FRK: variants seen among roughly 807,000 people sequenced by gnomAD.
FRK encodes the protein tyrosine-protein kinase FRK.
In FRK, 51 loss-of-function variants were observed where a neutral mutation model predicts 56.4. The observed-to-expected ratio is 0.90, with a 90% CI of 0.72 to 1.14. The LOEUF is 1.14. Ranked by LOEUF, FRK falls within the 50% of genes most tolerant of loss-of-function variation. The pLI, the probability that FRK is intolerant of heterozygous loss-of-function variation, is 0.00. For missense variants in FRK, 570 were observed against 601.4 expected (o/e 0.95, Z 0.55); for synonymous variants, 245 against 217.9 (o/e 1.12, Z -1.10).
chr6:115,978,451 G>A (rs1186080309), intron 2 of FRK, among the ~76,000 whole-genome samples: 1 of 152,146 alleles, frequency 6.6e-6, no homozygotes, highest in Non-Finnish European at 1.5e-5. Context: ...GATATCTTCA[G>A]ATGCCAATCC....
the FRK span, among the ~76,000 whole-genome samples, chr6:116,096,517 G>A: frequency 6.6e-6 from 1 of 151,972 alleles, no homozygotes; most frequent in African/African-American, 2.4e-5. Flanking sequence ...CTGTAAAAAC[G>A]CACCAATCAG....
intron 2 of FRK, among the ~76,000 whole-genome samples, chr6:115,993,391 T>G (rs1293263541): frequency 1.3e-5 from 2 of 151,910 alleles, no homozygotes; most frequent in Non-Finnish European, 2.9e-5. Flanking sequence ...CTCATTCTTT[T>G]GTGATTAACT....
intron 1 of FRK, among the ~76,000 whole-genome samples, chr6:116,057,586 A>G (rs961907334): frequency 2.0e-5 from 3 of 152,206 alleles, no homozygotes; most frequent in African/African-American, 7.2e-5. Context: ...TGTTCCAGCC[A>G]GGAGGCAGAG....
chr6:116,082,918 G>C, the FRK span, among the ~76,000 whole-genome samples: 1 of 152,046 alleles, frequency 6.6e-6, no homozygotes, highest in East Asian at 1.9e-4. Context: ...AGAAGGAAGG[G>C]GAGGGAAAGG....
chr6:116,096,957 A>C, the FRK span, among the ~76,000 whole-genome samples: 1 of 152,184 alleles, frequency 6.6e-6, no homozygotes, highest in African/African-American at 2.4e-5. Flanking sequence ...ACGGACACAA[A>C]AGGACTTTGT....
intron 4 of FRK, among the ~76,000 whole-genome samples, chr6:115,958,793 A>G (rs1207688813): frequency 1.2e-5 from 1 of 80,268 alleles, no homozygotes; most frequent in Non-Finnish European, 2.5e-5. Context: ...AGAGAGAAAG[A>G]AAGAAAAAGA....
At chr6:116,091,826 C>T in the FRK span, among the ~76,000 whole-genome samples, 1 of 152,210 alleles carries the variant, frequency 6.6e-6, no homozygotes, top group South Asian at 2.1e-4. Context: ...TTTTCCTGTA[C>T]TTCTGGGCTG....
Position 115,958,639 on chromosome 6 carries a change from GAAAGA to G in FRK, c.800-2034_800-2030del, listed in dbSNP as rs1392061798. 2.0e-3 allele frequency among the ~76,000 whole-genome samples: 9 copies of G among 4,528 alleles called. 3 individuals are homozygous for G. Among genetic ancestry groups the G allele is most frequent in the Non-Finnish European group, 2.1e-3 (3 of 1,414 alleles). 3.0% of individuals were successfully genotyped at this position (4,528 alleles called of 152,430 possible). A position where few individuals can be genotyped will look rare whatever the true frequency, so the allele number is the denominator to read the frequency against. ...TGAGACTCTGTCTCAAAAAAGGAAA[GAAAGA>G]AAAGAAAGAAAGAAAGAAAGAAAGA... On this transcript the variant is annotated intron_variant, in intron 4 of 7. Coordinates refer to ENST00000606080, the MANE Select transcript of FRK (RefSeq NM_002031.3).
intron 5 of FRK, among the ~76,000 whole-genome samples, chr6:115,949,448 C>T (rs970151700): frequency 2.6e-5 from 4 of 151,988 alleles, no homozygotes; most frequent in Non-Finnish European, 5.9e-5. Context: ...TTTATTTTGA[C>T]ATATGTTCTG....
chr6:116,019,651 T>C (rs1156831834), intron 1 of FRK, among the ~76,000 whole-genome samples: 1 of 152,078 alleles, frequency 6.6e-6, no homozygotes, highest in South Asian at 2.1e-4. Flanking sequence ...GAACTAGAAA[T>C]GAGAGAAATT....
rs1175499362 is a variant in FRK, at chr6:115,936,826, T to C, written c.*5588A>G. On this transcript the variant is annotated 3_prime_UTR_variant, in exon 8 of 8. Transcript: ENST00000606080. ...AGCCTCCAAGAAATATGGGATTATG[T>C]GAAAACACCAAGTCTACGTTTGATT... 6.6e-6 allele frequency: 1 copy of C among 152,148 alleles called. No homozygotes were observed. Among genetic ancestry groups the C allele is most frequent in the Non-Finnish European group, 1.5e-5 (1 of 68,034 alleles). 9.4% of individuals were successfully genotyped at this position (152,148 alleles called of 1,614,324 possible). A position where few individuals can be genotyped will look rare whatever the true frequency, so the allele number is the denominator to read the frequency against.
intron 1 of FRK, among the ~76,000 whole-genome samples, chr6:116,042,784 G>A (rs141035996): frequency 8.0e-4 from 121 of 152,134 alleles, no homozygotes; most frequent in African/African-American, 2.9e-3. Context: ...AAAAGACACA[G>A]ACTGGCAAAT....
chr6:116,066,253 C>G, the FRK span, among the ~76,000 whole-genome samples: 1 of 152,118 alleles, frequency 6.6e-6, no homozygotes, highest in African/African-American at 2.4e-5. Context: ...ACTGGCCTAG[C>G]CTCCCAGCCT....
At chr6:116,077,750 C>T in the FRK span, among the ~76,000 whole-genome samples, 10 of 152,278 alleles carry the variant, frequency 6.6e-5, no homozygotes, top group Admixed American at 2.6e-4. Flanking sequence ...TTATAGATCT[C>T]GATGTCATCA....
chr6:116,035,321 C>A (rs1776437614), intron 1 of FRK, among the ~76,000 whole-genome samples: 1 of 151,976 alleles, frequency 6.6e-6, no homozygotes, highest in African/African-American at 2.4e-5. Context: ...GTGGTGACCT[C>A]AAGAGAGGTC....
rs11755773 is a variant in FRK at position 115,988,831 on chromosome 6, C to A, written c.466+15046G>T. Among the ~76,000 whole-genome samples, 326 of 151,976 alleles carry A rather than the reference C, an allele frequency of 2.1e-3. 3 individuals carry two copies. The highest frequency in any genetic ancestry group is 6.4e-3 in the Admixed American group (97 of 15,252). On this transcript the variant is annotated intron_variant, in intron 2 of 7. Transcript: ENST00000606080. ...CTTATTTGATTTAAGAATCAGGCAG[C>A]CTTAAGATTCAAACATTTATTTAGT...
intron 2 of FRK, among the ~76,000 whole-genome samples, chr6:115,998,442 G>A (rs951701904): frequency 1.3e-5 from 2 of 151,740 alleles, no homozygotes; most frequent in African/African-American, 4.8e-5. Flanking sequence ...ATCCCTCCTC[G>A]CCTTCATCCA....
rs1427363033 is a variant in FRK at position 115,933,661 on chromosome 6, T to G, written c.*8753A>C. On this transcript the variant is annotated 3_prime_UTR_variant, in exon 8 of 8. Coordinates refer to ENST00000606080, the MANE Select transcript of FRK (RefSeq NM_002031.3). ...AAAAAGAAACAAACTATATAGTGGC[T>G]GAATTTGCATATTGAAATGGGAATA... 6.6e-6 allele frequency: 1 copy of G among 152,212 alleles called. No individual in the cohort carries two copies. Among genetic ancestry groups the G allele is most frequent in the African/African-American group, 2.4e-5 (1 of 41,464 alleles). 9.4% of individuals were successfully genotyped at this position (152,212 alleles called of 1,614,324 possible). A position where few individuals can be genotyped will look rare whatever the true frequency, so the allele number is the denominator to read the frequency against.
intron 1 of FRK, among the ~76,000 whole-genome samples, chr6:116,031,990 TA>T (rs1433890462): frequency 2.0e-5 from 3 of 152,086 alleles, no homozygotes; most frequent in Non-Finnish European, 4.4e-5. Flanking sequence ...TCTGACATTA[TA>T]ACTAAATTCA....
Sources: gnomAD v4.1 joint callset for allele counts (sites outside exome capture counted in the v4.1 genomes callset) on GRCh38, gnomAD v4.1.1 for gene constraint, MANE v1.5 for transcripts, NCBI Gene and HGNC (gene_info 2026-07-23, HGNC 2026-07-21) for gene names.